Variants in CNTNAP2 observed in about 807,000 individuals in gnomAD.
The protein encoded by CNTNAP2 is contactin associated protein 2.
CNTNAP2 carries 98 observed loss-of-function variants against 155.2 expected under a neutral mutation model. The observed-to-expected ratio is 0.63, with a 90% CI of 0.54 to 0.75. The LOEUF is 0.75. Ranked by LOEUF, CNTNAP2 falls within the 30% of genes least tolerant of loss-of-function variation. The probability of loss-of-function intolerance (pLI) is 0.00; values close to 1 mark genes in which losing one functional copy is unlikely to be tolerated. For synonymous variants in CNTNAP2, 651 were observed against 631.2 expected, an observed-to-expected ratio of 1.03 and a Z score of -0.47; for missense variants, 1,727 against 1,688.1, an observed-to-expected ratio of 1.02 and a Z score of -0.40.
chr7:146,621,642 T>C (rs1799319325), intron 1 of CNTNAP2, among the ~76,000 whole-genome samples: 1 of 152,166 alleles, frequency 6.6e-6, no homozygotes, highest in Admixed American at 6.5e-5. Flanking sequence ...AGATGTGTCA[T>C]TCTCACCACA....
chr7:148,203,768 G>GA (rs1386426208), intron 18 of CNTNAP2, among the ~76,000 whole-genome samples: 3 of 151,928 alleles, frequency 2.0e-5, no homozygotes, highest in Non-Finnish European at 4.4e-5. Flanking sequence ...AAAAGAAAAG[G>GA]AAAAAAGAAT....
intron 21 of CNTNAP2, among the ~76,000 whole-genome samples, chr7:148,272,278 G>GTTA (rs1343751329): frequency 1.3e-5 from 2 of 152,194 alleles, no homozygotes; most frequent in Non-Finnish European, 2.9e-5. Flanking sequence ...ACTAGACATA[G>GTTA]TTATGTCCAT....
intron 10 of CNTNAP2, among the ~76,000 whole-genome samples, chr7:147,450,858 GTC>G (rs1219888376): frequency 1.3e-5 from 2 of 152,050 alleles, no homozygotes; most frequent in East Asian, 1.9e-4. Context: ...CTATGTATTT[GTC>G]TGTCACCTCC....
intron 15 of CNTNAP2, among the ~76,000 whole-genome samples, chr7:148,066,681 G>A (rs1803272562): frequency 6.6e-6 from 1 of 151,920 alleles, no homozygotes; most frequent in South Asian, 2.1e-4. Flanking sequence ...TGTATTTTTA[G>A]TAGAGATGGG....
At chr7:147,589,440 T>C (rs949857278) in intron 12 of CNTNAP2, among the ~76,000 whole-genome samples, 4 of 152,164 alleles carry the variant, frequency 2.6e-5, no homozygotes, top group Non-Finnish European at 5.9e-5. Flanking sequence ...ATGTCAATAA[T>C]ATGCTGAACT....
At chr7:148,110,713 C>T (rs896951955) in intron 15 of CNTNAP2, among the ~76,000 whole-genome samples, 1 of 152,128 alleles carries the variant, frequency 6.6e-6, no homozygotes, top group Non-Finnish European at 1.5e-5. Context: ...GGAGGAATGG[C>T]GGAACGTCTA....
intron 3 of CNTNAP2, among the ~76,000 whole-genome samples, chr7:146,935,040 C>G (rs750468788): frequency 4.6e-5 from 7 of 152,174 alleles, no homozygotes; most frequent in Non-Finnish European, 1.0e-4. Context: ...GTGTTCATGA[C>G]CTTGTGTTCA....
intron 13 of CNTNAP2, among the ~76,000 whole-genome samples, chr7:147,685,346 T>G (rs576744111): frequency 1.1e-3 from 161 of 152,112 alleles, no homozygotes; most frequent in Non-Finnish European, 5.4e-4. Context: ...TCTTGCTACC[T>G]TCTTATGATT....
intron 1 of CNTNAP2, among the ~76,000 whole-genome samples, chr7:146,648,608 G>A (rs1799855416): frequency 6.6e-6 from 1 of 152,006 alleles, no homozygotes; most frequent in African/African-American, 2.4e-5. Flanking sequence ...TCTGGGCCTA[G>A]ATGAAATTCT....
intron 13 of CNTNAP2, among the ~76,000 whole-genome samples, chr7:147,863,780 T>TG (rs911275300): frequency 1.3e-5 from 2 of 151,668 alleles, no homozygotes; most frequent in Non-Finnish European, 2.9e-5. Flanking sequence ...TGGGGTTGTT[T>TG]TTTTTCTTGT....
intron 5 of CNTNAP2, among the ~76,000 whole-genome samples, chr7:147,113,457 A>G (rs530790105): frequency 6.6e-6 from 1 of 151,668 alleles, no homozygotes; most frequent in Admixed American, 6.6e-5. Flanking sequence ...AAAAAAAAAG[A>G]GGTTTACTTG....
intron 9 of CNTNAP2, among the ~76,000 whole-genome samples, chr7:147,347,431 TATATATATGC>T (rs57972254): frequency 0.04 from 2,078 of 52,026 alleles, 82 homozygotes; most frequent in African/African-American, 0.13. Flanking sequence ...TATATATATA[TATATATATGC>T]ATATATATAT....
chr7:148,219,521 C>T (rs1240804753), intron 19 of CNTNAP2, among the ~76,000 whole-genome samples: 2 of 152,110 alleles, frequency 1.3e-5, no homozygotes, highest in Non-Finnish European at 2.9e-5. Context: ...TAGCAAGACA[C>T]CATTTCTACC....
chr7:148,218,716 C>T (rs1247134903), intron 19 of CNTNAP2, among the ~76,000 whole-genome samples: 1 of 151,864 alleles, frequency 6.6e-6, no homozygotes, highest in Non-Finnish European at 1.5e-5. Context: ...CTTGTAATAT[C>T]CTGGGCCATC....
At chr7:146,511,853 A>G (rs1180660976) in intron 1 of CNTNAP2, among the ~76,000 whole-genome samples, 3 of 152,042 alleles carry the variant, frequency 2.0e-5, no homozygotes, top group Non-Finnish European at 4.4e-5. Flanking sequence ...TAGAATTGTT[A>G]TTGGTTCTTC....
intron 1 of CNTNAP2, among the ~76,000 whole-genome samples, chr7:146,439,284 T>G (rs1796286785): frequency 6.6e-6 from 1 of 151,628 alleles, no homozygotes; most frequent in Non-Finnish European, 1.5e-5. Context: ...TATAGTATGC[T>G]TGTCAAAGTG....
intron 4 of CNTNAP2, among the ~76,000 whole-genome samples, chr7:147,088,630 G>A (rs1408876389): frequency 2.6e-5 from 4 of 152,154 alleles, no homozygotes; most frequent in Non-Finnish European, 5.9e-5. Flanking sequence ...GAAGGGCCGT[G>A]TCAGGTCTTC....
At chr7:148,205,328 A>G (rs1182783357) in intron 18 of CNTNAP2, among the ~76,000 whole-genome samples, 2 of 152,274 alleles carry the variant, frequency 1.3e-5, no homozygotes. Context: ...ACAAATATGT[A>G]GTTAAAGAAA....
At position 148,172,323 on chromosome 7, in the gene CNTNAP2, G is replaced by A. The variant is rs777688879; in HGVS notation, c.2855G>A (p.Arg952Lys). 7.4e-6 allele frequency: 12 copies of A among 1,614,174 alleles called. No individual in the cohort carries two copies. The highest frequency in any genetic ancestry group is 3.3e-5 in the Admixed American group (2 of 60,014). Residue 952 changes from arginine (R) to lysine (K), a missense_variant, in exon 18 of 24, where the codon AGA (arginine) becomes AAA (lysine). By Grantham distance (26) the Arg-to-Lys change is conservative (BLOSUM62 2). Transcript: ENST00000361727. ...MNGVTLDLEE[R>K]AKVTSGFISG... ...GGGGTGACACTTGACCTGGAGGAAAGAGCAAAGGTCACATCTGGGTTCATA... is the reference window on the plus strand; with the variant it reads ...GGGGTGACACTTGACCTGGAGGAAAAAGCAAAGGTCACATCTGGGTTCATA...
Sources: allele counts gnomAD v4.1 joint callset (sites outside exome capture counted in the v4.1 genomes callset), GRCh38; gene constraint gnomAD v4.1.1; transcripts MANE v1.5; gene names NCBI Gene and HGNC (gene_info 2026-07-23, HGNC 2026-07-21).